ULK4: variants seen among roughly 807,000 people sequenced by gnomAD.
The protein encoded by ULK4 is inactive serine/threonine-protein kinase ULK4.
A neutral mutation model predicts 160.6 loss-of-function variants in ULK4; 133 were observed. That is an observed-to-expected ratio of 0.83 (90% CI 0.72 to 0.96). The LOEUF (loss-of-function observed/expected upper bound fraction) is 0.96, where lower values mean the gene tolerates loss of function less well. Among genes scored for constraint, ULK4 ranks in the 40% least tolerant of loss-of-function variants. The probability of loss-of-function intolerance (pLI) is 0.00; values close to 1 mark genes in which losing one functional copy is unlikely to be tolerated. For missense variants in ULK4, 1,580 were observed against 1,499.5 expected (o/e 1.05, Z -0.89); for synonymous variants, 534 against 539.8 (o/e 0.99, Z 0.15).
chr3:41,670,224 T>A (rs2035492748), intron 29 of ULK4, among the ~76,000 whole-genome samples: 1 of 152,194 alleles, frequency 6.6e-6, no homozygotes, highest in Non-Finnish European at 1.5e-5. Context: ...AGGTAAAATC[T>A]AACTTTTGAG....
At chr3:41,630,493 T>C (rs2125702484) in intron 30 of ULK4, among the ~76,000 whole-genome samples, 1 of 152,274 alleles carries the variant, frequency 6.6e-6, no homozygotes, top group African/African-American at 2.4e-5. Context: ...GCCTCAAATC[T>C]CTTGGACTTC....
Position 41,343,295 on chromosome 3 carries a change from C to CTTT in ULK4, c.3678+54781_3678+54783dup, listed in dbSNP as rs55691966. Among the ~76,000 whole-genome samples the CTTT allele has an allele frequency of 1.8e-3, 152 of 85,384 alleles. 4 individuals carry two copies. The highest frequency in any genetic ancestry group is 4.6e-3 in the African/African-American group (103 of 22,448). The allele number at this position is 85,384 out of a possible 152,430, so 56.0% of individuals were successfully genotyped here. A position where few individuals can be genotyped will look rare whatever the true frequency, so the allele number is the denominator to read the frequency against. On this transcript the variant is annotated intron_variant, in intron 35 of 36. Transcript: ENST00000301831. ...AAATGCCATTGTCTCAGCCCAAAAACTTTTTTTTTTTTTTTTTTTTTTTTT... is the reference window on the plus strand; with the variant it reads ...AAATGCCATTGTCTCAGCCCAAAAACTTTTTTTTTTTTTTTTTTTTTTTTTTTT...
At chr3:41,709,664 C>T (rs751292800) in intron 25 of ULK4, among the ~76,000 whole-genome samples, 3 of 152,130 alleles carry the variant, frequency 2.0e-5, no homozygotes, top group Non-Finnish European at 2.9e-5. Flanking sequence ...GAATTACAGG[C>T]GTGAGCCACC....
chr3:41,653,660 G>A (rs1344333452), intron 30 of ULK4, among the ~76,000 whole-genome samples: 2 of 152,176 alleles, frequency 1.3e-5, no homozygotes, highest in Admixed American at 6.5e-5. Context: ...GTGTCCAGAA[G>A]TAAGTATTTT....
chr3:41,318,340 G>A (rs1484899523), intron 35 of ULK4, among the ~76,000 whole-genome samples: 1 of 152,034 alleles, frequency 6.6e-6, no homozygotes, highest in Admixed American at 6.5e-5. Context: ...TTTGAACTGG[G>A]TTGTTAGGTT....
chr3:41,342,449 G>A (rs1332626246), intron 35 of ULK4, among the ~76,000 whole-genome samples: 3 of 152,032 alleles, frequency 2.0e-5, no homozygotes, highest in Non-Finnish European at 4.4e-5. Flanking sequence ...ACTGTTATTA[G>A]AACTAAAGTC....
rs2079826540 is a variant in ULK4 at position 41,302,821 on chromosome 3, T to C, written c.3679-53247A>G. ...TTGAAAGCACTTCAGTGATCTATGT[T>C]AGCAAACTGTCTATCGTTGGCTCTA... On this transcript the variant is annotated intron_variant, in intron 35 of 36. Coordinates refer to ENST00000301831, the MANE Select transcript of ULK4 (RefSeq NM_017886.4). Among the ~76,000 whole-genome samples the C allele has an allele frequency of 2.0e-5, 3 of 152,302 alleles. No individual in the cohort carries two copies. In the South Asian group the frequency reaches 6.2e-4, roughly 32 times the overall value.
At chr3:41,643,526 G>C (rs1207142399) in intron 30 of ULK4, among the ~76,000 whole-genome samples, 2 of 152,142 alleles carry the variant, frequency 1.3e-5, no homozygotes, top group Admixed American at 1.3e-4. Context: ...ATTTCTGAGG[G>C]CTCTGTTCTG....
At chr3:41,733,025 T>C (rs1301794507) in intron 22 of ULK4, among the ~76,000 whole-genome samples, 1 of 152,172 alleles carries the variant, frequency 6.6e-6, no homozygotes, top group Non-Finnish European at 1.5e-5. Context: ...AAATAAGTTA[T>C]CGTGTTCTAT....
At chr3:41,304,272 T>TAAAAAAAAAA (rs2079857598) in intron 35 of ULK4, among the ~76,000 whole-genome samples, 1 of 25,302 alleles carries the variant, frequency 4.0e-5, no homozygotes, top group Admixed American at 3.5e-4. Context: ...AAGCTCCCCC[T>TAAAAAAAAAA]CAAAAAAAAA....
chr3:41,353,358 G>A (rs959436815), intron 35 of ULK4, among the ~76,000 whole-genome samples: 9 of 152,112 alleles, frequency 5.9e-5, no homozygotes, highest in Admixed American at 1.3e-4. Flanking sequence ...GCAGTAGAAC[G>A]TTAACATAAA....
chr3:41,562,260 TGAG>T (rs926674035), intron 32 of ULK4, among the ~76,000 whole-genome samples: 29 of 152,334 alleles, frequency 1.9e-4, no homozygotes, highest in African/African-American at 6.5e-4. Context: ...CTACATTTGC[TGAG>T]GAGTGCTTTA....
intron 31 of ULK4, among the ~76,000 whole-genome samples, chr3:41,581,472 T>C (rs1036968497): frequency 7.9e-5 from 12 of 152,200 alleles, no homozygotes; most frequent in Admixed American, 7.2e-4. Flanking sequence ...CAAAATAATA[T>C]GTGAACAATT....
intron 20 of ULK4, 114 bp from the exon 21 acceptor site, chr3:41,789,957 T>C: frequency 1.0e-6 from 1 of 963,540 alleles, no homozygotes; most frequent in Non-Finnish European, 1.4e-6. Context: ...TTGGCTCTTT[T>C]ATTACTTATT....
chr3:41,501,361 G>A (rs1428547929), intron 32 of ULK4, among the ~76,000 whole-genome samples: 5 of 152,116 alleles, frequency 3.3e-5, no homozygotes, highest in Admixed American at 3.3e-4. Context: ...AGCCAGGCAT[G>A]GTGGCAGACA....
chr3:41,942,122 T>A (rs1699977531), intron 2 of ULK4, among the ~76,000 whole-genome samples: 2 of 152,214 alleles, frequency 1.3e-5, no homozygotes. Context: ...ACAGGGCTAC[T>A]GAGAACTCGA....
intron 35 of ULK4, among the ~76,000 whole-genome samples, chr3:41,303,858 G>C (rs13313907): frequency 0.15 from 23,527 of 151,996 alleles, 2,186 homozygotes; most frequent in African/African-American, 0.25. Context: ...AAGAGGTCGG[G>C]GCAGGGTGGG....
chr3:41,648,177 A>G (rs1177336358), intron 30 of ULK4, among the ~76,000 whole-genome samples: 1 of 152,046 alleles, frequency 6.6e-6, no homozygotes, highest in African/African-American at 2.4e-5. Context: ...GCCCTGCTTC[A>G]GCTCCCACAA....
intron 35 of ULK4, among the ~76,000 whole-genome samples, chr3:41,357,861 A>T (rs1463995945): frequency 6.6e-6 from 1 of 152,154 alleles, no homozygotes; most frequent in African/African-American, 2.4e-5. Flanking sequence ...TACAACTAAC[A>T]CTTAGCATCT....
Sources: gnomAD v4.1 joint callset for allele counts (sites outside exome capture counted in the v4.1 genomes callset) on GRCh38, gnomAD v4.1.1 for gene constraint, MANE v1.5 for transcripts, NCBI Gene and HGNC (gene_info 2026-07-23, HGNC 2026-07-21) for gene names.